ANO7: variants seen among roughly 807,000 people sequenced by gnomAD.
ANO7 encodes anoctamin-7.
Under a neutral mutation model 115.8 loss-of-function variants are expected in ANO7, and 114 were observed. The observed-to-expected ratio is 0.98, with a 90% confidence interval of 0.85 to 1.15. ANO7 has a LOEUF of 1.15. ANO7 is among the 50% of genes most tolerant of loss of function. The pLI, the probability that ANO7 is intolerant of heterozygous loss-of-function variation, is 0.00. For missense variants in ANO7, 1,302 were observed against 1,201.2 expected (o/e 1.08, Z -1.24); for synonymous variants, 550 against 498.2 (o/e 1.10, Z -1.38).
At chr2:241,215,077 C>T (rs1400714256) in intron 18 of ANO7, among the ~76,000 whole-genome samples, 175 bp downstream of exon 18, 2 of 152,166 alleles carry the variant, frequency 1.3e-5, no homozygotes, top group African/African-American at 4.8e-5. Context: ...CTGGGCTGCC[C>T]GCCCTGCAGC....
chr2:241,226,168 C>G (rs1328886042), downstream of ANO7, among the ~76,000 whole-genome samples: 1 of 151,958 alleles, frequency 6.6e-6, no homozygotes, highest in Admixed American at 6.6e-5. Context: ...CACATGCGCC[C>G]TACCCTGCCT....
downstream of ANO7, chr2:241,229,781 C>A (rs769795766): frequency 6.5e-7 from 1 of 1,540,738 alleles, no homozygotes; most frequent in Non-Finnish European, 8.9e-7. Flanking sequence ...ACCAAGCCCG[C>A]CTGCCCGCCC....
In ANO7 at chr2:241,199,339, C is replaced by T. The variant is rs981002955; in HGVS notation, c.333C>T (p.Thr111=). 6.2e-7 allele frequency: 1 copy of T among 1,613,702 alleles called. No homozygotes were observed. Among genetic ancestry groups the T allele is most frequent in the South Asian group, 1.1e-5 (1 of 91,088 alleles). ...AGCAGGACGTCCAGGACGGGAACAC[C>T]ACAGTGCACTACGCCCTCCTCAGCG... ...VDQQDVQDGN[T]TVHYALLSAS... is the part of the protein sequence containing the mutation. The change falls in exon 5 of 25, where the codon ACC becomes ACT. Residue 111 remains threonine, a synonymous_variant. Transcript: ENST00000674324.
downstream of ANO7, chr2:241,229,706 C>T (rs770924615): frequency 1.3e-5 from 21 of 1,613,072 alleles, no homozygotes; most frequent in Non-Finnish European, 1.4e-5. Flanking sequence ...AGAGAGGACA[C>T]GGCTTCAGGA....
intron 19 of ANO7, among the ~76,000 whole-genome samples, 192 bp downstream of exon 19, chr2:241,216,430 C>T (rs778701026): frequency 6.6e-6 from 1 of 152,342 alleles, no homozygotes; most frequent in Middle Eastern, 3.4e-3. Flanking sequence ...CCTGAGAGTG[C>T]CCAAGAGGGT....
chr2:241,212,527 A>T (rs773160347), intron 16 of ANO7, 45 bp from the exon 17 acceptor site: 1 of 1,593,112 alleles, frequency 6.3e-7, no homozygotes, highest in East Asian at 2.2e-5. Flanking sequence ...GTGGGAGGAG[A>T]CAGGAAGGAT....
Position 241,218,290 on chromosome 2 carries a change from T to G in ANO7, c.2230T>G (p.Trp744Gly). 5.9e-6 allele frequency: 9 copies of G among 1,535,176 alleles called. No individual in the cohort carries two copies. Among genetic ancestry groups the G allele is most frequent in the Non-Finnish European group, 7.8e-6 (9 of 1,148,646 alleles). Residue 744 changes from tryptophan (W) to glycine (G), a missense_variant, in exon 21 of 25, where the codon TGG (tryptophan) becomes GGG (glycine). Coordinates refer to ENST00000674324, the MANE Select transcript of ANO7 (RefSeq NM_001370694.2). ...CTTCCTGCCGCGCGCCTACTACCGG[T>G]GGACCCGCGCCCACGACCTGCGCGG... The part of the protein sequence containing the change: ...SDFLPRAYYR[W>G]TRAHDLRGFL...
downstream of ANO7, chr2:241,230,137 G>A: frequency 6.2e-7 from 1 of 1,602,646 alleles, no homozygotes; most frequent in Non-Finnish European, 8.5e-7. The surrounding 1 kb of genome is among the most constrained non-coding windows in gnomAD (Gnocchi z 5.0). Context: ...GGGCTCCAAG[G>A]CCCACAGAGA....
chr2:241,190,498 G>A (rs1034563422), intron 2 of ANO7, among the ~76,000 whole-genome samples: 2 of 152,320 alleles, frequency 1.3e-5, no homozygotes, highest in South Asian at 2.1e-4. Flanking sequence ...TCAGTGCAGG[G>A]CCACAGCAGC....
At chr2:241,199,142 T>G in intron 4 of ANO7, 174 bp from the exon 5 acceptor site, 1 of 619,606 alleles carries the variant, frequency 1.6e-6, no homozygotes, top group Non-Finnish European at 2.9e-6. Flanking sequence ...CCGGTTGGCT[T>G]TCAGAGGCGT....
chr2:241,222,477 T>A (rs192108252), intron 21 of ANO7, among the ~76,000 whole-genome samples: 170 of 152,168 alleles, frequency 1.1e-3, no homozygotes, highest in Non-Finnish European at 1.9e-3. Context: ...CGTCACTGTC[T>A]CCCAGTCCCC....
intron 1 of ANO7, among the ~76,000 whole-genome samples, chr2:241,189,410 T>G (rs1178785525): frequency 1.3e-5 from 2 of 152,124 alleles, no homozygotes; most frequent in African/African-American, 4.8e-5. Context: ...AACCCTCTCC[T>G]TCCAGGGCCA....
Position 241,209,531 on chromosome 2 carries a change from C to G in ANO7, c.1255C>G (p.Pro419Ala). ...TCGGCCCCAGTTTGCCGCCTCAGCC[C>G]CCATGACAGCCCCGAACCCCATCAC... ...RPRPQFAASA[P>A]MTAPNPITGE... The change falls in exon 13 of 25, where the codon CCC (proline) becomes GCC (alanine). Residue 419 changes from proline (P) to alanine (A), a missense_variant. Pro to Ala is a conservative substitution (Grantham distance 27). Transcript: ENST00000674324. 6.3e-7 allele frequency: 1 copy of G among 1,595,018 alleles called. No individual in the cohort carries two copies. Among genetic ancestry groups the G allele is most frequent in the African/African-American group, 1.3e-5 (1 of 74,778 alleles).
At chr2:241,211,917 A>T (rs2068727307) in intron 15 of ANO7, among the ~76,000 whole-genome samples, 177 bp from the exon 16 acceptor site, 1 of 152,158 alleles carries the variant, frequency 6.6e-6, no homozygotes, top group African/African-American at 2.4e-5. Flanking sequence ...AACTCCTGTT[A>T]ATCAACATGT....
intron 3 of ANO7, among the ~76,000 whole-genome samples, chr2:241,191,560 C>T (rs2068203887): frequency 6.6e-6 from 1 of 151,922 alleles, no homozygotes; most frequent in South Asian, 2.1e-4. Flanking sequence ...CAACTCAGGT[C>T]ATTTCTGACT....
chr2:241,228,182 C>T (rs544244784), downstream of ANO7: 1 of 152,392 alleles, frequency 6.6e-6, no homozygotes, highest in African/African-American at 2.4e-5. Context: ...GTCAGCTTTT[C>T]CAAAACTCAA....
chr2:241,229,936 G>A (rs761944295), downstream of ANO7: 28 of 1,604,376 alleles, frequency 1.7e-5, no homozygotes, highest in Middle Eastern at 1.7e-4. Context: ...TACCTGCAGC[G>A]CCTCACTGTC....
At chr2:241,229,947 C>T (rs202193042), downstream of ANO7, 51 of 1,601,142 alleles carry the variant, frequency 3.2e-5, 1 homozygote, top group Admixed American at 8.3e-4. Flanking sequence ...CCTCACTGTC[C>T]ACCACGTCAG....
In ANO7 at chr2:241,214,885, G is replaced by A; in HGVS notation, c.1809G>A (p.Met603Ile). 1.2e-6 allele frequency: 2 copies of A among 1,612,670 alleles called. No individual in the cohort carries two copies. Among genetic ancestry groups the A allele is most frequent in the Non-Finnish European group, 1.7e-6 (2 of 1,179,916 alleles). ...IMVGKQVINN[M>I]QEVLIPKLKG... is the part of the protein sequence containing the mutation. ...TGGGCAAGCAGGTCATCAACAACAT[G>A]CAGGAGGTCCTCATCCCGTGAGTCC... is the stretch of plus-strand genomic sequence containing the variant. Residue 603 changes from methionine to isoleucine, a missense_variant, in exon 18 of 25, where the codon ATG (methionine) becomes ATA (isoleucine). Coordinates refer to ENST00000674324, the MANE Select transcript of ANO7 (RefSeq NM_001370694.2).
Sources: allele counts gnomAD v4.1 joint callset (sites outside exome capture counted in the v4.1 genomes callset), GRCh38; gene constraint gnomAD v4.1.1; non-coding constraint Gnocchi (gnomAD v3.1); transcripts MANE v1.5; gene names NCBI Gene and HGNC (gene_info 2026-07-23, HGNC 2026-07-21).